Variants in ADGRD2 observed in about 807,000 individuals in gnomAD.
ADGRD2 encodes the protein adhesion G protein-coupled receptor D2, also known as G protein-coupled receptor PGR24.
Under a neutral mutation model 44.4 loss-of-function variants are expected in ADGRD2, and 71 were observed. The observed-to-expected ratio is 1.60, with a 90% CI of 1.32 to 1.95. The LOEUF is 1.95. Ranked by LOEUF, ADGRD2 falls within the 30% of genes most tolerant of loss-of-function variation. The pLI is 0.00. For synonymous variants in ADGRD2, 481 were observed against 224.8 expected, an observed-to-expected ratio of 2.14 and a Z score of -10.19; for missense variants, 1,039 against 512.4, an observed-to-expected ratio of 2.03 and a Z score of -9.92.
chr9:124,463,227 T>C (rs1831753376), intron 10 of ADGRD2, among the ~76,000 whole-genome samples: 1 of 152,226 alleles, frequency 6.6e-6, no homozygotes, highest in Non-Finnish European at 1.5e-5. Context: ...AGATGTTTCT[T>C]GCATGTTGAT....
intron 6 of ADGRD2, among the ~76,000 whole-genome samples, chr9:124,455,743 C>T (rs1390605584): frequency 6.6e-6 from 1 of 152,172 alleles, no homozygotes; most frequent in East Asian, 1.9e-4. Context: ...ACCTTGTCTG[C>T]CTAAACAGCC....
At chr9:124,455,519 G>A (rs1478453069) in intron 6 of ADGRD2, among the ~76,000 whole-genome samples, 2 of 152,060 alleles carry the variant, frequency 1.3e-5, no homozygotes, top group Non-Finnish European at 2.9e-5. Context: ...AAACCCAGGG[G>A]GCGGAGGTTG....
intron 21 of ADGRD2, chr9:124,477,069 C>A (rs199611182): frequency 5.6e-6 from 3 of 535,222 alleles, no homozygotes; most frequent in Non-Finnish European, 7.4e-6. Flanking sequence ...AAGCCCAGCA[C>A]CCCCCGTCAC....
intron 21 of ADGRD2, chr9:124,476,973 C>A: frequency 1.5e-6 from 1 of 685,878 alleles, no homozygotes; most frequent in Non-Finnish European, 2.7e-6. Context: ...ACCTGCCTCC[C>A]TCTGTCCTCC....
chr9:124,472,124 A>ACAGCCATGGGGCAATGCCACCGT lies in ADGRD2; in HGVS notation c.2758+1558_2758+1580dup, dbSNP rs553296387. Among the ~76,000 whole-genome samples the ACAGCCATGGGGCAATGCCACCGT allele has an allele frequency of 1.2e-4, 17 of 146,722 alleles. No homozygotes were observed. The East Asian group carries it at 1.2e-3, about 10-fold the overall frequency. The stretch of plus-strand genomic sequence containing the variant: ...CTGTGCCCCTCGGGTGGGCAGAGAC[A>ACAGCCATGGGGCAATGCCACCGT]CAGCCATGGGGCAATGCCACCGTCA... On this transcript the variant is annotated intron_variant, in intron 17 of 21. Transcript: ENST00000334810.
In ADGRD2 at chr9:124,466,316, C is replaced by CGGGCTGCTCCGTGGCTGCCCTGT. The variant is rs1831822159; in HGVS notation, c.1929_1930insGGGCTGCTCCGTGGCTGCCCTGT (p.Tyr652Ter). On this transcript the variant is annotated frameshift_variant, in exon 11 of 22. Coordinates refer to ENST00000334810, the Ensembl canonical transcript of ADGRD2. LOFTEE classifies it high-confidence loss of function. ...TATACAGGGGGTGCCTGGGCCACCA[C>CGGGCTGCTCCGTGGCTGCCCTGT]AGGCTGCTCCGTGGCTGCCCTGTAC... 4 of 716,712 alleles carry CGGGCTGCTCCGTGGCTGCCCTGT rather than the reference C, an allele frequency of 5.6e-6. No homozygotes were observed. The African/African-American group carries it at 7.0e-5, about 13-fold the overall frequency. The allele number at this position is 716,712 out of a possible 1,614,324, so 44.4% of individuals were successfully genotyped here. A position where few individuals can be genotyped will look rare whatever the true frequency, so the allele number is the denominator to read the frequency against.
chr9:124,466,205 C>T lies in ADGRD2; in HGVS notation c.1871-53C>T, dbSNP rs558457172. 5.8e-3 allele frequency: 3,192 copies of T among 550,632 alleles called. 15 individuals are homozygous for T. Among genetic ancestry groups the T allele is most frequent in the Non-Finnish European group, 8.7e-3 (2,568 of 295,596 alleles). The allele number at this position is 550,632 out of a possible 1,614,324, so 34.1% of individuals were successfully genotyped here. ...GACAGGCCCCAGGCTCTGGGGAAAG[C>T]CTTTCCCCTGCTTGCTTCTGGCCCC... On this transcript the variant is annotated intron_variant, in intron 10 of 21. Coordinates refer to ENST00000334810, the Ensembl canonical transcript of ADGRD2.
chr9:124,476,678 G>C lies in ADGRD2; in HGVS notation c.2905-1G>C. ...CCCCGTGACAGCCCCTCTGTCCTCA[G>C]GCTGTGGAACTGACAGCGTTCAAAG... On this transcript the variant is annotated splice_acceptor_variant, in intron 20 of 21. Transcript: ENST00000334810. LOFTEE classifies it high-confidence loss of function. 1 of 702,370 alleles carries C rather than the reference G, an allele frequency of 1.4e-6. No homozygotes were observed. The highest frequency in any genetic ancestry group is 2.6e-6 in the Non-Finnish European group (1 of 384,652). 43.5% of individuals were successfully genotyped at this position (702,370 alleles called of 1,614,324 possible). A position where few individuals can be genotyped will look rare whatever the true frequency, so the allele number is the denominator to read the frequency against.
intron 9 of ADGRD2, 88 bp from the exon 13 acceptor site, chr9:124,458,528 C>G (rs1314814112): frequency 1.5e-6 from 1 of 666,260 alleles, no homozygotes; most frequent in Non-Finnish European, 2.8e-6. Context: ...AGGCTGCCAC[C>G]TCCACCGTAG....
chr9:124,453,162 G>A (rs1451331171), exon 3 of ADGRD2: 1 of 699,824 alleles, frequency 1.4e-6, no homozygotes, highest in East Asian at 2.7e-5. Context: ...ACTGTGCCTC[G>A]CCCGACCCCG....
intron 19 of ADGRD2, 33 bp downstream of exon 22, chr9:124,475,648 G>C: frequency 1.6e-6 from 1 of 617,812 alleles, no homozygotes; most frequent in Middle Eastern, 3.5e-4. Context: ...GGGTGGGGGC[G>C]GGAGGCCCCC....
chr9:124,452,093 C>A lies in ADGRD2; in HGVS notation c.5C>A (p.Ser2Ter), dbSNP rs1222879365. 2 of 700,894 alleles carry A rather than the reference C, an allele frequency of 2.9e-6. No homozygotes were observed. Among genetic ancestry groups the A allele is most frequent in the Non-Finnish European group, 5.3e-6 (2 of 375,562 alleles). 43.4% of individuals were successfully genotyped at this position (700,894 alleles called of 1,614,324 possible). ...CCACCTGTCTTCTTCTCTCCCAGAT[C>A]AGGAGTCTCTCTGGGACCCCCTCCA... The change falls in exon 1 of 22, where the codon TCA (serine) becomes TAA (stop). Residue 2 changes from serine (S) to a stop codon, truncating the protein, a stop_gained. Coordinates refer to ENST00000334810, the Ensembl canonical transcript of ADGRD2. LOFTEE classifies it high-confidence loss of function.
chr9:124,470,048 C>T lies in ADGRD2; in HGVS notation c.2638-446C>T, dbSNP rs548298800. On this transcript the variant is annotated intron_variant, in intron 16 of 21. Coordinates refer to ENST00000334810, the Ensembl canonical transcript of ADGRD2. ...CACCGGCCTTTCCCAGCCCTGCCTC[C>T]TTGCTGGCTTTCCCCTTCCCCACCC... Among the ~76,000 whole-genome samples, 206 of 152,284 alleles carry T rather than the reference C, an allele frequency of 1.4e-3. 1 individual carries two copies. Among genetic ancestry groups the T allele is most frequent in the African/African-American group, 4.8e-3 (198 of 41,570 alleles).
At chr9:124,452,176 AG>A in intron 1 of ADGRD2, 22 bp downstream of exon 4, 1 of 705,434 alleles carries the variant, frequency 1.4e-6, no homozygotes, top group Non-Finnish European at 2.6e-6. Context: ...GGATCCCCCC[AG>A]GGAGGGTCCC....
chr9:124,451,378 C>A (rs958987840), upstream of ADGRD2: 3 of 380,870 alleles, frequency 7.9e-6, no homozygotes, highest in Non-Finnish European at 1.6e-5. Flanking sequence ...CTCTCCAGGG[C>A]GACAGTGTTT....
At chr9:124,456,342 T>G (rs1375206488) in intron 6 of ADGRD2, among the ~76,000 whole-genome samples, 1 of 152,048 alleles carries the variant, frequency 6.6e-6, no homozygotes, top group Non-Finnish European at 1.5e-5. Context: ...AGCAAAGGGG[T>G]AGGCATGGCC....
At position 124,454,855 on chromosome 9, in the gene ADGRD2, C is replaced by A. The variant is rs1831583785; in HGVS notation, c.1123C>A (p.Pro375Thr). The change falls in exon 6 of 22, where the codon CCC becomes ACC. Residue 375 changes from proline (P) to threonine (T), a missense_variant. Pro to Thr is a conservative substitution (Grantham distance 38). Coordinates refer to ENST00000334810, the Ensembl canonical transcript of ADGRD2. This position sits in a 1 kb window ranked among gnomAD's most constrained non-coding sequence, Gnocchi z 4.5. ...CCTCTGTCCACAGCTCCTCCCGGACCCCCTCTCCGAAGTCCATGGGGCCCT... is the reference window on the plus strand; with the variant it reads ...CCTCTGTCCACAGCTCCTCCCGGACACCCTCTCCGAAGTCCATGGGGCCCT... 1.4e-6 allele frequency: 1 copy of A among 702,358 alleles called. No individual in the cohort carries two copies. Among genetic ancestry groups the A allele is most frequent in the South Asian group, 1.5e-5 (1 of 67,312 alleles). 43.5% of individuals were successfully genotyped at this position (702,358 alleles called of 1,614,324 possible).
intron 14 of ADGRD2, 37 bp from the exon 18 acceptor site, chr9:124,469,185 G>A: frequency 1.5e-6 from 1 of 689,002 alleles, no homozygotes; most frequent in Non-Finnish European, 2.7e-6. Flanking sequence ...GAAAAAGCAG[G>A]TGACCCAGCC....
chr9:124,477,932 G>A (rs542074156), intron 21 of ADGRD2, among the ~76,000 whole-genome samples: 34 of 152,216 alleles, frequency 2.2e-4, no homozygotes, highest in Admixed American at 9.8e-4. Flanking sequence ...CGTAGCAACA[G>A]AGCAGCTTCC....
Sources: allele counts gnomAD v4.1 joint callset (sites outside exome capture counted in the v4.1 genomes callset), GRCh38; gene constraint gnomAD v4.1.1; non-coding constraint Gnocchi (gnomAD v3.1); transcripts MANE v1.5; gene names NCBI Gene and HGNC (gene_info 2026-07-23, HGNC 2026-07-21).